Variants in HPSE2 observed in about 807,000 individuals in gnomAD.
The protein encoded by HPSE2 is heparanase 2 (inactive), also known as inactive heparanase-2.
Under a neutral mutation model 60.5 loss-of-function variants are expected in HPSE2, and 38 were observed. That is an observed-to-expected ratio of 0.63 (90% CI 0.48 to 0.82). The LOEUF (loss-of-function observed/expected upper bound fraction) is 0.82, where lower values mean the gene tolerates loss of function less well. Among genes scored for constraint, HPSE2 ranks in the 40% least tolerant of loss-of-function variants. The probability of loss-of-function intolerance (pLI) is 0.00; values close to 1 mark genes in which losing one functional copy is unlikely to be tolerated. For synonymous variants in HPSE2, 295 were observed against 293.2 expected (o/e 1.01, Z -0.06); for missense variants, 713 against 740.4 (o/e 0.96, Z 0.43).
the HPSE2 span, among the ~76,000 whole-genome samples, chr10:99,308,410 A>C: frequency 2.0e-5 from 3 of 150,228 alleles, no homozygotes; most frequent in African/African-American, 7.3e-5. Flanking sequence ...AACCATCAAA[A>C]TCTCCATCAA....
chr10:98,812,653 T>C (rs1412839878), intron 3 of HPSE2, among the ~76,000 whole-genome samples: 2 of 152,160 alleles, frequency 1.3e-5, no homozygotes, highest in Admixed American at 6.5e-5. Flanking sequence ...ATCCAAAATA[T>C]TATCATTTTG....
intron 3 of HPSE2, among the ~76,000 whole-genome samples, chr10:98,839,670 G>A (rs1416567154): frequency 6.6e-6 from 1 of 152,216 alleles, no homozygotes; most frequent in East Asian, 1.9e-4. Flanking sequence ...ATAAAGGAAT[G>A]TGGGAAGATG....
intron 3 of HPSE2, among the ~76,000 whole-genome samples, chr10:98,904,276 A>G (rs961160700): frequency 6.6e-6 from 1 of 152,022 alleles, no homozygotes; most frequent in African/African-American, 2.4e-5. Context: ...TTTTTGGGGG[A>G]AAAAAAGGAA....
At chr10:98,565,027 A>T (rs555552354) in intron 9 of HPSE2, among the ~76,000 whole-genome samples, 20 of 151,506 alleles carry the variant, frequency 1.3e-4, no homozygotes, top group Non-Finnish European at 2.2e-4. Flanking sequence ...CTTGGTACTT[A>T]GCAGAAAAGA....
intron 9 of HPSE2, among the ~76,000 whole-genome samples, chr10:98,506,728 A>T (rs1485619379): frequency 2.0e-5 from 3 of 152,200 alleles, no homozygotes; most frequent in Admixed American, 2.0e-4. Context: ...CTCACAAAGC[A>T]CTGGGATTTA....
intron 6 of HPSE2, among the ~76,000 whole-genome samples, chr10:98,687,809 C>T (rs1396458375): frequency 6.6e-6 from 1 of 152,078 alleles, no homozygotes; most frequent in Non-Finnish European, 1.5e-5. Context: ...ATATTATTCT[C>T]ATCCTTTTAT....
intron 9 of HPSE2, among the ~76,000 whole-genome samples, chr10:98,503,196 C>G (rs7100305): frequency 0.083 from 10,204 of 123,368 alleles, 419 homozygotes; most frequent in African/African-American, 0.12. Flanking sequence ...TGGGTGACAA[C>G]AGCAAGACTC....
intron 5 of HPSE2, among the ~76,000 whole-genome samples, chr10:98,711,628 G>A (rs182497229): frequency 6.6e-6 from 1 of 152,174 alleles, no homozygotes; most frequent in East Asian, 1.9e-4. Context: ...AGTGTTGTGA[G>A]AATTAACAAG....
chr10:98,985,428 G>C (rs939107727), intron 3 of HPSE2, among the ~76,000 whole-genome samples: 4 of 152,160 alleles, frequency 2.6e-5, no homozygotes, highest in Admixed American at 6.5e-5. Context: ...ATACTTTACA[G>C]ACAAGCAAAT....
intron 4 of HPSE2, among the ~76,000 whole-genome samples, chr10:98,723,402 C>G (rs1948980832): frequency 6.6e-6 from 1 of 152,064 alleles, no homozygotes; most frequent in African/African-American, 2.4e-5. Context: ...CAATGTTCAT[C>G]AGGGATATTG....
chr10:98,681,688 T>C (rs188813243), intron 6 of HPSE2, among the ~76,000 whole-genome samples: 1 of 152,300 alleles, frequency 6.6e-6, no homozygotes, highest in African/African-American at 2.4e-5. Flanking sequence ...CTTCATATTC[T>C]TAAACCAACC....
At chr10:98,865,670 G>A (rs1439880437) in intron 3 of HPSE2, among the ~76,000 whole-genome samples, 1 of 152,082 alleles carries the variant, frequency 6.6e-6, no homozygotes, top group African/African-American at 2.4e-5. Flanking sequence ...ATACAAATAA[G>A]CACATGAGTA....
At chr10:98,950,239 T>A (rs1955314383) in intron 3 of HPSE2, among the ~76,000 whole-genome samples, 1 of 152,144 alleles carries the variant, frequency 6.6e-6, no homozygotes, top group Non-Finnish European at 1.5e-5. Context: ...GTAGCCTATA[T>A]GAAGTGATAA....
At chr10:98,982,070 T>G (rs572723207) in intron 3 of HPSE2, among the ~76,000 whole-genome samples, 1 of 152,186 alleles carries the variant, frequency 6.6e-6, no homozygotes, top group East Asian at 1.9e-4. Context: ...AGATTTTGTT[T>G]CTCCTCGTTC....
rs544606701 is a variant in HPSE2 at position 98,614,577 on chromosome 10, C to G, written c.1320+327G>C. ...AAAGTGCTGAGATTACAGGCGTGAG[C>G]CACCGTGCCCGGCCTGGATTGTTAA... On this transcript the variant is annotated intron_variant, in intron 9 of 11. Transcript: ENST00000370552. Among the ~76,000 whole-genome samples the G allele has an allele frequency of 3.6e-3, 544 of 152,196 alleles. 6 individuals are homozygous for G. Among genetic ancestry groups the G allele is most frequent in the South Asian group, 0.014 (67 of 4,812 alleles).
intron 9 of HPSE2, among the ~76,000 whole-genome samples, chr10:98,559,088 G>A (rs920399229): frequency 6.6e-6 from 1 of 152,168 alleles, no homozygotes; most frequent in East Asian, 1.9e-4. Context: ...CTGGAGTGCA[G>A]TGGCGCAATC....
At position 98,934,648 on chromosome 10, in the gene HPSE2, T is replaced by C. The variant is rs1954739240; in HGVS notation, c.611-190592A>G. On this transcript the variant is annotated intron_variant, in intron 3 of 11. Transcript: ENST00000370552. ...GCAGAGTTTCTGCTCAGAGGTCCACTGTTAGTGTCATGGGCTTCCCTTTGT... is the reference window on the plus strand; with the variant it reads ...GCAGAGTTTCTGCTCAGAGGTCCACCGTTAGTGTCATGGGCTTCCCTTTGT... Among the ~76,000 whole-genome samples, 2 of 144,328 alleles carry C rather than the reference T, an allele frequency of 1.4e-5. 1 individual carries two copies. The highest frequency in any genetic ancestry group is 5.6e-5 in the African/African-American group (2 of 35,590). 94.7% of individuals were successfully genotyped at this position (144,328 alleles called of 152,430 possible).
At chr10:98,817,316 C>T (rs987986565) in intron 3 of HPSE2, among the ~76,000 whole-genome samples, 3 of 152,144 alleles carry the variant, frequency 2.0e-5, no homozygotes, top group Admixed American at 2.0e-4. Context: ...TATGGGACTT[C>T]CATCTGTACT....
intron 9 of HPSE2, among the ~76,000 whole-genome samples, chr10:98,542,200 T>C (rs1228175334): frequency 1.3e-5 from 2 of 152,196 alleles, no homozygotes; most frequent in Non-Finnish European, 2.9e-5. Context: ...CCACCTCTGC[T>C]GATACCCGGG....
Sources: allele counts gnomAD v4.1 joint callset (sites outside exome capture counted in the v4.1 genomes callset), GRCh38; gene constraint gnomAD v4.1.1; transcripts MANE v1.5; gene names NCBI Gene and HGNC (gene_info 2026-07-23, HGNC 2026-07-21).